UBE2Q2: variants seen among roughly 807,000 people sequenced by gnomAD.
UBE2Q2 encodes the protein ubiquitin-conjugating enzyme E2 Q2.
In UBE2Q2, 54 loss-of-function variants were observed where a neutral mutation model predicts 59.9. The ratio of observed to expected loss-of-function variants is 0.90; its 90% CI spans 0.72 to 1.13. The LOEUF (loss-of-function observed/expected upper bound fraction) is 1.13. Ranked by LOEUF, UBE2Q2 falls within the 50% of genes most tolerant of loss-of-function variation. The pLI, the probability that UBE2Q2 is intolerant of heterozygous loss-of-function variation, is 0.00. For missense variants in UBE2Q2, 433 were observed against 441.9 expected (o/e 0.98, Z 0.18); for synonymous variants, 165 against 155.2 (o/e 1.06, Z -0.47).
chr15:75,844,321 G>GT lies in UBE2Q2; in HGVS notation c.180+480dup, dbSNP rs762909279. The GT allele has an allele frequency of 3.9e-6, 6 of 1,549,186 alleles. No individual in the cohort carries two copies. The South Asian group carries it at 7.1e-5, about 18-fold the overall frequency. Reference sequence around the variant, plus strand: ...CTTCTTCCCGCTTGTTCAGCCAATTGTTTTTAAGTTTGCGTTTAAGGAGAA... The same window carrying GT: ...CTTCTTCCCGCTTGTTCAGCCAATTGTTTTTTAAGTTTGCGTTTAAGGAGAA... On this transcript the variant is annotated intron_variant, in intron 1 of 12. Transcript: ENST00000267938.
intron 11 of UBE2Q2, among the ~76,000 whole-genome samples, chr15:75,894,157 A>G (rs1209964295): frequency 1.3e-5 from 2 of 152,250 alleles, no homozygotes; most frequent in African/African-American, 2.4e-5. Context: ...TAATGCAATC[A>G]TTACTTATCA....
At chr15:75,895,086 T>A (rs1013102758) in intron 11 of UBE2Q2, 2 of 151,460 alleles carry the variant, frequency 1.3e-5, no homozygotes, top group Non-Finnish European at 2.9e-5. Context: ...CTGGGGTGGC[T>A]GAAGCAGGAG....
chr15:75,868,495 G>C (rs117234254), intron 3 of UBE2Q2, among the ~76,000 whole-genome samples: 1 of 152,140 alleles, frequency 6.6e-6, no homozygotes, highest in African/African-American at 2.4e-5. Context: ...TAACACATCT[G>C]ACTGTTCAAA....
Position 75,885,324 on chromosome 15 carries a change from G to C in UBE2Q2, c.884+1900G>C, listed in dbSNP as rs1898697451. Among the ~76,000 whole-genome samples, 5 of 152,120 alleles carry C rather than the reference G, an allele frequency of 3.3e-5. No homozygotes were observed. In the East Asian group the frequency reaches 7.8e-4, roughly 24 times the overall value. On this transcript the variant is annotated intron_variant, in intron 9 of 12. Coordinates refer to ENST00000267938, the MANE Select transcript of UBE2Q2 (RefSeq NM_173469.4). ...GTGGAGATGGGGTTTCACCATGTTG[G>C]CCAGGATGGTCTCTATCTCTTGACC...
rs770849544 is a variant in UBE2Q2, at chr15:75,843,857, C to T, written c.180+11C>T. Reference sequence around the variant, plus strand: ...CACTGCAACATCACGGTGAGGCGCCCGGCCGCGGCCCCGCGGGGCAGGGCG... The same window carrying T: ...CACTGCAACATCACGGTGAGGCGCCTGGCCGCGGCCCCGCGGGGCAGGGCG... On this transcript the variant is annotated intron_variant, in intron 1 of 12. Transcript: ENST00000267938. The T allele has an allele frequency of 6.5e-7, 1 of 1,548,538 alleles. No individual in the cohort carries two copies. Among genetic ancestry groups the T allele is most frequent in the Non-Finnish European group, 8.7e-7 (1 of 1,148,280 alleles).
chr15:75,863,800 G>A lies in UBE2Q2; in HGVS notation c.387+3818G>A, dbSNP rs1231328800. Among the ~76,000 whole-genome samples the A allele has an allele frequency of 2.6e-5, 4 of 152,006 alleles. No homozygotes were observed. In the East Asian group the frequency reaches 7.7e-4, roughly 29 times the overall value. ...TGGGATTACAGGTGTGCACCACCAC[G>A]CTCGGCTAATTTTTTGTATTTTTTA... On this transcript the variant is annotated intron_variant, in intron 3 of 12. Coordinates refer to ENST00000267938, the MANE Select transcript of UBE2Q2 (RefSeq NM_173469.4).
intron 3 of UBE2Q2, among the ~76,000 whole-genome samples, chr15:75,861,834 G>A (rs1897220432): frequency 1.3e-5 from 2 of 152,164 alleles, no homozygotes; most frequent in African/African-American, 4.8e-5. Flanking sequence ...CAGGTTTTCT[G>A]CTGGTCTCAT....
intron 12 of UBE2Q2, among the ~76,000 whole-genome samples, chr15:75,898,803 T>A (rs1037181012): frequency 2.6e-5 from 4 of 151,938 alleles, no homozygotes; most frequent in African/African-American, 7.3e-5. Flanking sequence ...TGAAGTGGAA[T>A]AAAACTTATT....
At chr15:75,853,732 G>A (rs1218339234) in intron 1 of UBE2Q2, among the ~76,000 whole-genome samples, 4 of 152,158 alleles carry the variant, frequency 2.6e-5, no homozygotes, top group Non-Finnish European at 2.9e-5. Flanking sequence ...CCTCTCACCA[G>A]GCAGCGAAGT....
chr15:75,857,311 T>C (rs1896969268), intron 2 of UBE2Q2, among the ~76,000 whole-genome samples: 1 of 152,192 alleles, frequency 6.6e-6, no homozygotes, highest in African/African-American at 2.4e-5. Flanking sequence ...GGTTTTGTAA[T>C]AGCAAAAATG....
chr15:75,890,966 T>A lies in UBE2Q2; in HGVS notation c.981T>A (p.Asn327Lys). 6.2e-7 allele frequency: 1 copy of A among 1,612,446 alleles called. No homozygotes were observed. Among genetic ancestry groups the A allele is most frequent in the Non-Finnish European group, 8.5e-7 (1 of 1,179,940 alleles). Residue 327 changes from asparagine to lysine, a missense_variant, in exon 11 of 13, where the codon AAT becomes AAA. Asn to Lys is a moderately conservative substitution (Grantham distance 94). Transcript: ENST00000267938. Reference sequence around the variant, plus strand: ...TAGAATCGGTCATCATGCAAATAAATGCCACCTTAGTCAAAGGCAAAGCCA... The same window carrying A: ...TAGAATCGGTCATCATGCAAATAAAAGCCACCTTAGTCAAAGGCAAAGCCA... ...YSIESVIMQINATLVKGKARV... is the reference protein window; with the variant it reads ...YSIESVIMQIKATLVKGKARV...
intron 8 of UBE2Q2, among the ~76,000 whole-genome samples, chr15:75,882,539 TA>T (rs149116075): frequency 0.011 from 1,623 of 152,316 alleles, 10 homozygotes; most frequent in Non-Finnish European, 0.017. Flanking sequence ...AATAGGAGGT[TA>T]AATGAAATTG....
At chr15:75,873,644 C>T in intron 5 of UBE2Q2, 76 bp downstream of exon 5, 2 of 1,481,238 alleles carry the variant, frequency 1.4e-6, no homozygotes, top group Non-Finnish European at 9.2e-7. Flanking sequence ...AATTCATTAA[C>T]ATGCCCATCT....
chr15:75,882,621 A>G (rs1898495628), intron 8 of UBE2Q2, among the ~76,000 whole-genome samples: 1 of 152,206 alleles, frequency 6.6e-6, no homozygotes, highest in African/African-American at 2.4e-5. Context: ...AAGGTGAGCT[A>G]CTTTATTTGA....
intron 6 of UBE2Q2, among the ~76,000 whole-genome samples, chr15:75,877,482 A>G (rs529647166): frequency 7.4e-4 from 112 of 152,098 alleles, no homozygotes; most frequent in Non-Finnish European, 1.4e-3. Context: ...TTATATAGAA[A>G]AAAAAAAACA....
In UBE2Q2 at chr15:75,879,193, G is replaced by A. The variant is rs748620392; in HGVS notation, c.825+5G>A. The A allele has an allele frequency of 6.4e-7, 1 of 1,550,978 alleles. No homozygotes were observed. The highest frequency in any genetic ancestry group is 1.2e-5 in the South Asian group (1 of 84,342). On this transcript the variant is annotated splice_donor_5th_base_variant and intron_variant, in intron 8 of 12. Transcript: ENST00000267938. ...TTGCTTAACTTCTCTTTTAAGGTAAGAAAATAGTTACAGGACCCCATATAC... is the reference window on the plus strand; with the variant it reads ...TTGCTTAACTTCTCTTTTAAGGTAAAAAAATAGTTACAGGACCCCATATAC...
intron 9 of UBE2Q2, among the ~76,000 whole-genome samples, chr15:75,887,066 T>G (rs1283233924): frequency 6.6e-6 from 1 of 152,132 alleles, no homozygotes; most frequent in African/African-American, 2.4e-5. Flanking sequence ...GATTCTTTTT[T>G]GCCACAGTGT....
intron 8 of UBE2Q2, among the ~76,000 whole-genome samples, chr15:75,880,102 GT>G (rs760775861): frequency 1.3e-5 from 2 of 150,374 alleles, no homozygotes; most frequent in East Asian, 1.9e-4. Context: ...ATTTAATAAG[GT>G]TTTTTTTTGT....
rs1385504464 is a variant in UBE2Q2, at chr15:75,843,784, G to A, written c.118G>A (p.Val40Met). ...KLDELHCQFL[V>M]PQQGSPHSLP... is the part of the protein sequence containing the mutation. ...GGACGAGCTGCACTGCCAGTTCCTGGTGCCGCAGCAGGGCAGCCCGCACTC... is the reference window on the plus strand; with the variant it reads ...GGACGAGCTGCACTGCCAGTTCCTGATGCCGCAGCAGGGCAGCCCGCACTC... The change falls in exon 1 of 13, where the codon GTG (valine) becomes ATG (methionine). Residue 40 changes from valine to methionine, a missense_variant. Physicochemically the swap from Val to Met is conservative, Grantham distance 21 (BLOSUM62 1). Transcript: ENST00000267938. 17 of 1,609,258 alleles carry A rather than the reference G, an allele frequency of 1.1e-5. No individual in the cohort carries two copies. Among genetic ancestry groups the A allele is most frequent in the Non-Finnish European group, 1.3e-5 (15 of 1,178,530 alleles).
Sources: allele counts gnomAD v4.1 joint callset (sites outside exome capture counted in the v4.1 genomes callset), GRCh38; gene constraint gnomAD v4.1.1; transcripts MANE v1.5; gene names NCBI Gene and HGNC (gene_info 2026-07-23, HGNC 2026-07-21).